The following CNOT1 variants were observed in gnomAD, a reference collection of about 807,000 sequenced individuals.
CNOT1 encodes the protein CCR4-NOT transcription complex subunit 1, also known as CCR4-associated factor 1.
A neutral mutation model predicts 273.8 loss-of-function variants in CNOT1; 15 were observed. The observed-to-expected ratio is 0.05, with a 90% confidence interval of 0.04 to 0.08. The LOEUF (loss-of-function observed/expected upper bound fraction) is 0.08. Ranked by LOEUF, CNOT1 falls within the 10% of genes least tolerant of loss-of-function variation. CNOT1 has a pLI of 1.00. For missense variants in CNOT1, 1,644 were observed against 2,912.2 expected, an observed-to-expected ratio of 0.56 and a Z score of 10.02; for synonymous variants, 1,022 against 1,005.5, an observed-to-expected ratio of 1.02 and a Z score of -0.31.
chr16:58,526,537 AT>A (rs2039588976), intron 44 of CNOT1, among the ~76,000 whole-genome samples: 1 of 150,162 alleles, frequency 6.7e-6, no homozygotes, highest in Non-Finnish European at 1.5e-5. Flanking sequence ...AAAAAAAAAA[AT>A]TGAAGCCGGG....
rs1213267881 is a variant in CNOT1, at chr16:58,613,962, G to A, written c.-174-14451C>T. On this transcript the variant is annotated intron_variant, in intron 1 of 48. Coordinates refer to ENST00000317147, the MANE Select transcript of CNOT1 (RefSeq NM_016284.5). Reference sequence around the variant, plus strand: ...AAAAAATTAGCCGGGCGTGGTGGCGGGCACCTGTAGTCCCAGCTACTCAGG... The same window carrying A: ...AAAAAATTAGCCGGGCGTGGTGGCGAGCACCTGTAGTCCCAGCTACTCAGG... 5.9e-5 allele frequency among the ~76,000 whole-genome samples: 7 copies of A among 118,746 alleles called. 1 individual carries two copies. Among genetic ancestry groups the A allele is most frequent in the African/African-American group, 2.0e-4 (7 of 35,356 alleles). The allele number at this position is 118,746 out of a possible 152,430, so 77.9% of individuals were successfully genotyped here. A position where few individuals can be genotyped will look rare whatever the true frequency, so the allele number is the denominator to read the frequency against.
Position 58,587,374 on chromosome 16 carries a change from T to C in CNOT1, c.349A>G (p.Lys117Glu). 6.2e-7 allele frequency: 1 copy of C among 1,613,994 alleles called. No individual in the cohort carries two copies. Among genetic ancestry groups the C allele is most frequent in the Non-Finnish European group, 8.5e-7 (1 of 1,179,990 alleles). ...PAPHLFAQLS[K>E]VLKLSKVQEV... The stretch of plus-strand genomic sequence containing the variant: ...TGTACTTTGCTTAATTTGAGCACTT[T>C]ACTCAGCTGGGCAAATAAGTGGGGT... Residue 117 changes from lysine to glutamate, a missense_variant, in exon 5 of 49, where the codon AAA becomes GAA. Physicochemically the swap from Lys to Glu is moderately conservative, Grantham distance 56. Transcript: ENST00000317147.
In CNOT1 at chr16:58,555,493, C is replaced by T. The variant is rs2040599493; in HGVS notation, c.2649G>A (p.Arg883=). The T allele has an allele frequency of 1.2e-6, 2 of 1,613,988 alleles. No individual in the cohort carries two copies. Among genetic ancestry groups the T allele is most frequent in the Non-Finnish European group, 1.7e-6 (2 of 1,180,042 alleles). ...LQRFKDSTIK[R]EREVFNCMLR... ...GCATACAGTTAAATACTTCTCGTTC[C>T]CTCTTTATAGTAGAGTCTTTAAATC... Residue 883 remains arginine, a synonymous_variant, in exon 21 of 49, where the codon AGG becomes AGA. Transcript: ENST00000317147.
At chr16:58,548,298 G>T (rs966573618) in intron 25 of CNOT1, among the ~76,000 whole-genome samples, 19 of 152,038 alleles carry the variant, frequency 1.2e-4, no homozygotes, top group Admixed American at 2.0e-4. Context: ...TCTAAGGGGG[G>T]GCAGAACTAA....
intron 1 of CNOT1, among the ~76,000 whole-genome samples, chr16:58,627,370 A>G (rs1422166495): frequency 7.8e-6 from 1 of 128,134 alleles, no homozygotes; most frequent in Admixed American, 9.6e-5. Context: ...GTGCTGCTGC[A>G]CTCCAGCCTG....
At position 58,520,610 on chromosome 16, in the gene CNOT1, T is replaced by G. The variant is rs905169825; in HGVS notation, c.*348A>C. 3.8e-6 allele frequency: 1 copy of G among 263,188 alleles called. No homozygotes were observed. The highest frequency in any genetic ancestry group is 7.4e-6 in the Non-Finnish European group (1 of 134,430). 16.3% of individuals were successfully genotyped at this position (263,188 alleles called of 1,614,324 possible). A position where few individuals can be genotyped will look rare whatever the true frequency, so the allele number is the denominator to read the frequency against. Reference sequence around the variant, plus strand: ...TATGCCCTCAGACAAGTGCATGGCATCAGCTGCCTCTTCATTACAAGGTAC... The same window carrying G: ...TATGCCCTCAGACAAGTGCATGGCAGCAGCTGCCTCTTCATTACAAGGTAC... On this transcript the variant is annotated 3_prime_UTR_variant, in exon 49 of 49. Coordinates refer to ENST00000317147, the MANE Select transcript of CNOT1 (RefSeq NM_016284.5).
At chr16:58,527,568 TA>T (rs1654142239) in intron 44 of CNOT1, among the ~76,000 whole-genome samples, 1 of 151,970 alleles carries the variant, frequency 6.6e-6, no homozygotes, top group African/African-American at 2.4e-5. Context: ...AATACAACAA[TA>T]AAAAACACAA....
intron 43 of CNOT1, 87 bp downstream of exon 43, chr16:58,530,159 T>C: frequency 8.9e-7 from 1 of 1,123,796 alleles, no homozygotes; most frequent in Non-Finnish European, 1.3e-6. Flanking sequence ...AAAGGCTTAA[T>C]AAAAACAAAA....
Position 58,629,749 on chromosome 16 carries a change from TGGACACAGGAAACTCCTGG to T in CNOT1, c.-215_-197del, listed in dbSNP as rs2043755639. On this transcript the variant is annotated 5_prime_UTR_variant, in exon 1 of 49. Coordinates refer to ENST00000317147, the MANE Select transcript of CNOT1 (RefSeq NM_016284.5). Reference sequence around the variant, plus strand: ...TCACCTCAGGCGGCTCCGGCAGCGCTGGACACAGGAAACTCCTGGGTCCCCGACTCCGGCTCTCCTCGAC... The same window carrying T: ...TCACCTCAGGCGGCTCCGGCAGCGCTGTCCCCGACTCCGGCTCTCCTCGAC... The T allele has an allele frequency of 6.6e-6, 1 of 152,412 alleles. No individual in the cohort carries two copies. The highest frequency in any genetic ancestry group is 1.5e-5 in the Non-Finnish European group (1 of 68,108). The allele number at this position is 152,412 out of a possible 1,614,324, so 9.4% of individuals were successfully genotyped here.
intron 1 of CNOT1, among the ~76,000 whole-genome samples, chr16:58,611,377 C>T (rs745956334): frequency 6.6e-6 from 1 of 151,608 alleles, no homozygotes; most frequent in Non-Finnish European, 1.5e-5. Flanking sequence ...TACAGGGAGC[C>T]GAGACCACGC....
intron 1 of CNOT1, among the ~76,000 whole-genome samples, chr16:58,604,793 G>A (rs1374541222): frequency 5.2e-5 from 6 of 116,062 alleles, no homozygotes; most frequent in South Asian, 3.0e-4. Context: ...GCGAAACTCC[G>A]TCTAAAAAAA....
chr16:58,620,655 A>AAAAAAG (rs1408783945), intron 1 of CNOT1, among the ~76,000 whole-genome samples: 24 of 73,756 alleles, frequency 3.3e-4, no homozygotes, highest in African/African-American at 1.5e-3. Flanking sequence ...GTCTCATTTA[A>AAAAAAG]AAAAAAAAAA....
chr16:58,567,919 C>G (rs918612331), intron 16 of CNOT1, among the ~76,000 whole-genome samples: 2 of 152,206 alleles, frequency 1.3e-5, no homozygotes, highest in African/African-American at 4.8e-5. Context: ...AACACAATGA[C>G]AAGGTTGGAT....
chr16:58,561,778 A>T (rs993375946), intron 16 of CNOT1, among the ~76,000 whole-genome samples: 1 of 152,194 alleles, frequency 6.6e-6, no homozygotes, highest in African/African-American at 2.4e-5. Context: ...TTTTTAAAAA[A>T]TTTTTTAAAC....
At chr16:58,577,454 TG>T (rs2151968856) in intron 13 of CNOT1, among the ~76,000 whole-genome samples, 1 of 152,310 alleles carries the variant, frequency 6.6e-6, no homozygotes, top group Non-Finnish European at 1.5e-5. Context: ...ACTAACTGAA[TG>T]ACCTAGAACT....
intron 16 of CNOT1, among the ~76,000 whole-genome samples, chr16:58,562,774 G>T (rs1021740839): frequency 1.3e-5 from 2 of 152,100 alleles, no homozygotes; most frequent in African/African-American, 4.8e-5. Flanking sequence ...AATGACCTGA[G>T]ATCGCGCCAC....
chr16:58,574,463 A>G (rs1433334248), intron 16 of CNOT1, 146 bp downstream of exon 16: 2 of 670,174 alleles, frequency 3.0e-6, no homozygotes, highest in Non-Finnish European at 4.5e-6. Context: ...TCTAGTATGT[A>G]TCATAAATAG....
chr16:58,557,106 TACTTTA>T, intron 18 of CNOT1, 113 bp from the exon 19 acceptor site: 3 of 1,339,176 alleles, frequency 2.2e-6, no homozygotes, highest in Non-Finnish European at 2.9e-6. Flanking sequence ...TAGTAACTCT[TACTTTA>T]AAAGTCAGAG....
At chr16:58,613,886 G>C (rs111769456) in intron 1 of CNOT1, among the ~76,000 whole-genome samples, 1,832 of 118,820 alleles carry the variant, frequency 0.015, 500 homozygotes, top group Non-Finnish European at 0.027. Flanking sequence ...CAGGAGATAG[G>C]GACCATCCTG....
Sources: gnomAD v4.1 joint callset for allele counts (sites outside exome capture counted in the v4.1 genomes callset) on GRCh38, gnomAD v4.1.1 for gene constraint, MANE v1.5 for transcripts, NCBI Gene and HGNC (gene_info 2026-07-23, HGNC 2026-07-21) for gene names.